Variants in TMOD1 observed in about 807,000 individuals in gnomAD.
TMOD1 encodes the protein tropomodulin-1.
TMOD1 carries 17 observed loss-of-function variants against 40.6 expected under a neutral mutation model. That is an observed-to-expected ratio of 0.42 (90% CI 0.29 to 0.63). The LOEUF is 0.63. Ranked by LOEUF, TMOD1 falls within the 20% of genes least tolerant of loss-of-function variation. The probability of loss-of-function intolerance (pLI) is 0.22; values close to 1 mark genes in which losing one functional copy is unlikely to be tolerated. For synonymous variants in TMOD1, 181 were observed against 175.0 expected, an observed-to-expected ratio of 1.03 and a Z score of -0.27; for missense variants, 391 against 447.6, an observed-to-expected ratio of 0.87 and a Z score of 1.14.
rs1430161502 is a variant in TMOD1 at position 97,591,441 on chromosome 9, T to G, written c.1015+6T>G. 6.2e-7 allele frequency: 1 copy of G among 1,613,628 alleles called. No homozygotes were observed. Among genetic ancestry groups the G allele is most frequent in the Non-Finnish European group, 8.5e-7 (1 of 1,179,754 alleles). On this transcript the variant is annotated splice_donor_region_variant and intron_variant, in intron 9 of 9. Transcript: ENST00000259365. The stretch of plus-strand genomic sequence containing the variant: ...GATGAACAACAATGACCTTGGTGAG[T>G]AGAAATATGCTTCCTGCCCTGCCCG...
chr9:97,591,418 T>G lies in TMOD1; in HGVS notation c.998T>G (p.Met333Arg). 2 of 1,614,196 alleles carry G rather than the reference T, an allele frequency of 1.2e-6. No homozygotes were observed. The highest frequency in any genetic ancestry group is 1.7e-6 in the Non-Finnish European group (2 of 1,180,026). The change falls in exon 9 of 10, where the codon ATG (methionine) becomes AGG (arginine). Residue 333 changes from methionine (M) to arginine (R), a missense_variant. Coordinates refer to ENST00000259365, the MANE Select transcript of TMOD1 (RefSeq NM_003275.4). ...CGGCTTCGGGCATCCAACGCAATGATGAACAACAATGACCTTGGTGAGTAG... is the reference window on the plus strand; with the variant it reads ...CGGCTTCGGGCATCCAACGCAATGAGGAACAACAATGACCTTGGTGAGTAG... ...GPRLRASNAM[M>R]NNNDLVRKRR...
intron 9 of TMOD1, among the ~76,000 whole-genome samples, chr9:97,594,974 A>G (rs2805785): frequency 0.26 from 39,110 of 152,082 alleles, 5,887 homozygotes; most frequent in African/African-American, 0.42. Context: ...GGAGAGTAAC[A>G]TGTTTAAAAG....
At position 97,600,747 on chromosome 9, in the gene TMOD1, A is replaced by G; in HGVS notation, c.*1049A>G. The G allele has an allele frequency of 2.0e-6, 2 of 1,006,416 alleles. No individual in the cohort carries two copies. Among genetic ancestry groups the G allele is most frequent in the Non-Finnish European group, 2.4e-6 (2 of 842,546 alleles). The allele number at this position is 1,006,416 out of a possible 1,614,324, so 62.3% of individuals were successfully genotyped here. ...AAACTCCAGATATCAAGGAATTGGG[A>G]AATCCTGGCCAAACCACCCCAAGAT... On this transcript the variant is annotated 3_prime_UTR_variant, in exon 10 of 10. Coordinates refer to ENST00000259365, the MANE Select transcript of TMOD1 (RefSeq NM_003275.4).
chr9:97,560,707 A>G (rs897954952), intron 4 of TMOD1, among the ~76,000 whole-genome samples: 1 of 149,702 alleles, frequency 6.7e-6, no homozygotes, highest in African/African-American at 2.4e-5. Context: ...TATTGTATAT[A>G]TAAAAAATAC....
intron 4 of TMOD1, among the ~76,000 whole-genome samples, chr9:97,555,197 C>G (rs974786190): frequency 6.6e-6 from 1 of 152,350 alleles, no homozygotes; most frequent in South Asian, 2.1e-4. Context: ...CACAGTAGAT[C>G]CTCCATTGAG....
At chr9:97,531,966 TC>T (rs1830109130) in intron 2 of TMOD1, among the ~76,000 whole-genome samples, 1 of 152,060 alleles carries the variant, frequency 6.6e-6, no homozygotes, top group Admixed American at 6.5e-5. Context: ...ACCTGGTACT[TC>T]CTGTCACTCC....
At chr9:97,583,452 C>G (rs910579063) in intron 8 of TMOD1, among the ~76,000 whole-genome samples, 13 of 151,792 alleles carry the variant, frequency 8.6e-5, no homozygotes, top group African/African-American at 3.1e-4. Context: ...GGATATTGGT[C>G]GAAAATTCTC....
chr9:97,582,502 T>C (rs1825779977), intron 8 of TMOD1, among the ~76,000 whole-genome samples: 1 of 144,926 alleles, frequency 6.9e-6, no homozygotes, highest in East Asian at 2.0e-4. Flanking sequence ...TGGTTCCATA[T>C]GAACTTTAAA....
At chr9:97,594,113 C>T (rs929162881) in intron 9 of TMOD1, among the ~76,000 whole-genome samples, 6 of 152,090 alleles carry the variant, frequency 3.9e-5, no homozygotes, top group Non-Finnish European at 8.8e-5. Flanking sequence ...TGGCAGTTTC[C>T]TGGACGGTGA....
intron 2 of TMOD1, among the ~76,000 whole-genome samples, chr9:97,544,461 G>A (rs1488443634): frequency 1.3e-5 from 2 of 150,730 alleles, no homozygotes; most frequent in Admixed American, 1.3e-4. Flanking sequence ...GCTTGAACCC[G>A]GGAGGTGGAG....
At chr9:97,527,882 G>T (rs1830041708) in intron 2 of TMOD1, among the ~76,000 whole-genome samples, 1 of 152,110 alleles carries the variant, frequency 6.6e-6, no homozygotes, top group Non-Finnish European at 1.5e-5. Flanking sequence ...TGTTTGAGTT[G>T]CCCTGAGATG....
chr9:97,501,748 C>G lies in TMOD1; in HGVS notation c.-104C>G. On this transcript the variant is annotated 5_prime_UTR_variant, in exon 1 of 10. Transcript: ENST00000259365. ...CCTCCGCCCGCGTCCATCTGCCCGCCGCCCGCGCCTGTTCCGCAGCCCGCG... is the reference window on the plus strand; with the variant it reads ...CCTCCGCCCGCGTCCATCTGCCCGCGGCCCGCGCCTGTTCCGCAGCCCGCG... 6.6e-6 allele frequency: 1 copy of G among 152,348 alleles called. No homozygotes were observed. 9.4% of individuals were successfully genotyped at this position (152,348 alleles called of 1,614,324 possible). A position where few individuals can be genotyped will look rare whatever the true frequency, so the allele number is the denominator to read the frequency against.
At chr9:97,564,948 C>T (rs1408010293) in intron 6 of TMOD1, among the ~76,000 whole-genome samples, 3 of 152,224 alleles carry the variant, frequency 2.0e-5, no homozygotes, top group African/African-American at 7.2e-5. Context: ...CTGCCAGCCC[C>T]ACGGCACCAT....
chr9:97,562,886 T>C, intron 5 of TMOD1, 65 bp downstream of exon 5: 1 of 1,319,998 alleles, frequency 7.6e-7, no homozygotes, highest in Admixed American at 2.4e-5. Context: ...ACTGATGTTC[T>C]CTGGCTCATT....
chr9:97,558,098 T>C (rs1272638350), intron 4 of TMOD1, among the ~76,000 whole-genome samples: 1 of 152,112 alleles, frequency 6.6e-6, no homozygotes, highest in Non-Finnish European at 1.5e-5. Flanking sequence ...GAAATCTAGC[T>C]GGGCCCTTCC....
intron 3 of TMOD1, among the ~76,000 whole-genome samples, chr9:97,552,064 A>T (rs1204713589): frequency 1.3e-5 from 2 of 152,130 alleles, no homozygotes; most frequent in Admixed American, 1.3e-4. Flanking sequence ...GTTAGTTCTA[A>T]TAGGTTTTTT....
intron 1 of TMOD1, among the ~76,000 whole-genome samples, chr9:97,507,773 G>C (rs554148541): frequency 3.9e-5 from 6 of 152,140 alleles, no homozygotes; most frequent in East Asian, 3.9e-4. Context: ...AAGGGGAAAG[G>C]GGGGGACAAG....
chr9:97,537,200 C>T (rs999051318), intron 2 of TMOD1, among the ~76,000 whole-genome samples: 5 of 152,134 alleles, frequency 3.3e-5, no homozygotes, highest in East Asian at 1.9e-4. Context: ...TTTATATTTC[C>T]GAGCTGCCAG....
chr9:97,505,012 CTT>C (rs925649318), intron 1 of TMOD1, among the ~76,000 whole-genome samples: 3 of 152,208 alleles, frequency 2.0e-5, no homozygotes, highest in African/African-American at 4.8e-5. Context: ...CATTTCCTCT[CTT>C]TTGTTTTGTT....
Sources: gnomAD v4.1 joint callset for allele counts (sites outside exome capture counted in the v4.1 genomes callset) on GRCh38, gnomAD v4.1.1 for gene constraint, MANE v1.5 for transcripts, NCBI Gene and HGNC (gene_info 2026-07-23, HGNC 2026-07-21) for gene names.